The following PRICKLE2 variants were observed in gnomAD, a reference collection of about 807,000 sequenced individuals.
PRICKLE2 encodes the protein prickle-like protein 2.
A neutral mutation model predicts 81.4 loss-of-function variants in PRICKLE2; 21 were observed. The observed-to-expected ratio is 0.26, with a 90% CI of 0.18 to 0.37. PRICKLE2 has a LOEUF of 0.37. Among genes scored for constraint, PRICKLE2 ranks in the 10% least tolerant of loss-of-function variants. The pLI, the probability that PRICKLE2 is intolerant of heterozygous loss-of-function variation, is 1.00. For missense variants in PRICKLE2, 940 were observed against 1,109.0 expected (o/e 0.85, Z 2.16); for synonymous variants, 456 against 421.5 (o/e 1.08, Z -1.00).
chr3:64,138,670 C>G (rs964477236), intron 7 of PRICKLE2, among the ~76,000 whole-genome samples: 2 of 152,218 alleles, frequency 1.3e-5, no homozygotes, highest in African/African-American at 4.8e-5. Context: ...CACTTCCAAA[C>G]AAAAGAGTTC....
intron 2 of PRICKLE2, among the ~76,000 whole-genome samples, chr3:64,164,193 A>G (rs999362783): frequency 4.6e-5 from 7 of 152,028 alleles, no homozygotes; most frequent in African/African-American, 1.4e-4. Context: ...CCTGGCCAAC[A>G]CGGTGAAACC....
chr3:64,128,641 G>A (rs2077148757), intron 7 of PRICKLE2, among the ~76,000 whole-genome samples: 1 of 151,112 alleles, frequency 6.6e-6, no homozygotes, highest in Non-Finnish European at 1.5e-5. Context: ...AGCTACTCAG[G>A]AGGCTGAGGC....
intron 2 of PRICKLE2, among the ~76,000 whole-genome samples, chr3:64,164,328 C>T (rs2077788847): frequency 6.6e-6 from 1 of 152,118 alleles, no homozygotes; most frequent in African/African-American, 2.4e-5. Flanking sequence ...CAGAGCAAGA[C>T]TCTTTCTCAA....
At chr3:64,128,770 T>C (rs1392163832) in intron 7 of PRICKLE2, among the ~76,000 whole-genome samples, 1 of 146,778 alleles carries the variant, frequency 6.8e-6, no homozygotes, top group Non-Finnish European at 1.5e-5. Context: ...AAAAGGCATA[T>C]TCAATGTTAT....
At chr3:64,134,168 A>G (rs575399576) in intron 7 of PRICKLE2, among the ~76,000 whole-genome samples, 4 of 152,332 alleles carry the variant, frequency 2.6e-5, no homozygotes, top group Admixed American at 2.6e-4. Context: ...TGAGGGATTG[A>G]GAGATTTAAG....
chr3:64,156,314 A>G (rs1484953281), intron 5 of PRICKLE2, among the ~76,000 whole-genome samples: 1 of 152,210 alleles, frequency 6.6e-6, no homozygotes, highest in East Asian at 1.9e-4. Flanking sequence ...AGAAATGCCC[A>G]TGTAACAGTA....
chr3:64,140,476 T>C (rs2077342869), intron 7 of PRICKLE2, among the ~76,000 whole-genome samples: 2 of 152,206 alleles, frequency 1.3e-5, no homozygotes, highest in Admixed American at 6.5e-5. Flanking sequence ...TGGCTGATCC[T>C]CAAGGAATGG....
At chr3:64,114,265 GAGAA>G (rs2076899490) in intron 7 of PRICKLE2, among the ~76,000 whole-genome samples, 1 of 151,646 alleles carries the variant, frequency 6.6e-6, no homozygotes, top group Admixed American at 6.6e-5. Context: ...CCACAAATTT[GAGAA>G]AGAATCAGGG....
chr3:64,218,426 T>C (rs2107145494), intron 1 of PRICKLE2, among the ~76,000 whole-genome samples: 1 of 152,300 alleles, frequency 6.6e-6, no homozygotes, highest in South Asian at 2.1e-4. Flanking sequence ...TGTCTGTAAG[T>C]TGTGACGGTT....
Position 64,177,081 on chromosome 3 carries a change from A to AT in PRICKLE2, c.145-13953dup, listed in dbSNP as rs554126756. 1.8e-4 allele frequency among the ~76,000 whole-genome samples: 22 copies of AT among 125,664 alleles called. No individual in the cohort carries two copies. The East Asian group carries it at 4.7e-3, about 27-fold the overall frequency. The allele number at this position is 125,664 out of a possible 152,430, so 82.4% of individuals were successfully genotyped here. A position where few individuals can be genotyped will look rare whatever the true frequency, so the allele number is the denominator to read the frequency against. On this transcript the variant is annotated intron_variant, in intron 2 of 7. Coordinates refer to ENST00000638394, the MANE Select transcript of PRICKLE2 (RefSeq NM_198859.4). Reference sequence around the variant, plus strand: ...TGTACTGCAGTGTTTTTTAATTAAAATTTTTTATTGTGGTATACACATTAC... The same window carrying AT: ...TGTACTGCAGTGTTTTTTAATTAAAATTTTTTTATTGTGGTATACACATTAC...
intron 7 of PRICKLE2, among the ~76,000 whole-genome samples, chr3:64,140,459 C>T (rs1463513769): frequency 6.6e-6 from 1 of 152,226 alleles, no homozygotes; most frequent in Non-Finnish European, 1.5e-5. Flanking sequence ...CCACCCCTTA[C>T]AGAATGTGGC....
intron 3 of PRICKLE2, among the ~76,000 whole-genome samples, chr3:64,161,306 G>A (rs2077729174): frequency 6.6e-6 from 1 of 152,164 alleles, no homozygotes; most frequent in South Asian, 2.1e-4. Context: ...GGGAAACACG[G>A]TCCTAATCCC....
chr3:64,099,707 G>T lies in PRICKLE2; in HGVS notation c.1879C>A (p.Pro627Thr). Residue 627 changes from proline (P) to threonine (T), a missense_variant, in exon 8 of 8, where the codon CCC becomes ACC. Pro to Thr is a conservative substitution (Grantham distance 38). Transcript: ENST00000638394. This position sits in a 1 kb window ranked among gnomAD's most constrained non-coding sequence, Gnocchi z 4.3. ...GACTGCAGGTCTCTGTAGCCAATGGGGTTGCTGAGCTGGTGGAGGTTTCCC... is the reference window on the plus strand; with the variant it reads ...GACTGCAGGTCTCTGTAGCCAATGGTGTTGCTGAGCTGGTGGAGGTTTCCC... ...MEGNLHQLSNPIGYRDLQSHG... is the reference protein window; with the variant it reads ...MEGNLHQLSNTIGYRDLQSHG... 6.2e-7 allele frequency: 1 copy of T among 1,614,212 alleles called. No individual in the cohort carries two copies. The highest frequency in any genetic ancestry group is 8.5e-7 in the Non-Finnish European group (1 of 1,180,042).
intron 1 of PRICKLE2, among the ~76,000 whole-genome samples, chr3:64,220,214 AG>A (rs2107147622): frequency 6.6e-6 from 1 of 152,360 alleles, no homozygotes; most frequent in East Asian, 1.9e-4. Flanking sequence ...ATGGATGCCA[AG>A]AAAAGAGCTG....
chr3:64,127,536 G>A (rs2077127784), intron 7 of PRICKLE2, among the ~76,000 whole-genome samples: 1 of 152,140 alleles, frequency 6.6e-6, no homozygotes, highest in Admixed American at 6.5e-5. Context: ...TTTCAAAAGA[G>A]GAATCTGAGA....
upstream of PRICKLE2, among the ~76,000 whole-genome samples, chr3:64,226,520 G>A (rs697291): frequency 0.81 from 122,854 of 152,136 alleles, 50,836 homozygotes; most frequent in South Asian, 0.92. Flanking sequence ...AGCTCTAAAG[G>A]CTAGGTATAA....
intron 6 of PRICKLE2, among the ~76,000 whole-genome samples, chr3:64,148,151 A>T (rs2077488092): frequency 6.6e-6 from 1 of 152,190 alleles, no homozygotes; most frequent in Admixed American, 6.5e-5. Context: ...GCAGGGTAAC[A>T]TAACTAGGAA....
At chr3:64,179,366 G>A (rs760006608) in intron 2 of PRICKLE2, among the ~76,000 whole-genome samples, 4 of 152,040 alleles carry the variant, frequency 2.6e-5, no homozygotes, top group Admixed American at 6.6e-5. Flanking sequence ...GTGAGCCACC[G>A]TGCCTGGCCT....
At chr3:64,207,662 C>T (rs976862126) in intron 1 of PRICKLE2, among the ~76,000 whole-genome samples, 3 of 152,114 alleles carry the variant, frequency 2.0e-5, no homozygotes, top group Non-Finnish European at 2.9e-5. Context: ...AAGATACCTC[C>T]AACGTGGGAA....
Sources: gnomAD v4.1 joint callset for allele counts (sites outside exome capture counted in the v4.1 genomes callset) on GRCh38, gnomAD v4.1.1 for gene constraint, Gnocchi (gnomAD v3.1) non-coding constraint, MANE v1.5 for transcripts, NCBI Gene and HGNC (gene_info 2026-07-23, HGNC 2026-07-21) for gene names.